Variants in ZNF85 observed in about 807,000 individuals in gnomAD.
The protein encoded by ZNF85 is zinc finger protein 85, also known as zinc finger protein 85 (HPF4, HTF1).
ZNF85 carries 50 observed loss-of-function variants against 53.9 expected under a neutral mutation model. The ratio of observed to expected loss-of-function variants is 0.93; its 90% CI spans 0.74 to 1.17. The LOEUF is 1.17. Among genes scored for constraint, ZNF85 ranks in the 50% most tolerant of loss-of-function variants. The pLI, the probability that ZNF85 is intolerant of heterozygous loss-of-function variation, is 0.00. For synonymous variants in ZNF85, 225 were observed against 226.1 expected, an observed-to-expected ratio of 1.00 and a Z score of 0.04; for missense variants, 747 against 688.5, an observed-to-expected ratio of 1.08 and a Z score of -0.95.
Position 20,950,568 on chromosome 19 carries a change from C to T in ZNF85, c.*266C>T. The stretch of plus-strand genomic sequence containing the variant: ...GGCAAAACTTAATTTATGCTCACAC[C>T]TTACTGCACAGAAAAGAATTTTTAG... On this transcript the variant is annotated 3_prime_UTR_variant, in exon 4 of 4. Transcript: ENST00000328178. The T allele has an allele frequency of 3.2e-6, 1 of 316,912 alleles. No homozygotes were observed. Among genetic ancestry groups the T allele is most frequent in the South Asian group, 1.2e-4 (1 of 8,546 alleles). 19.6% of individuals were successfully genotyped at this position (316,912 alleles called of 1,614,324 possible).
intron 1 of ZNF85, chr19:20,926,927 T>C (rs1404974162): frequency 6.6e-6 from 1 of 152,176 alleles, no homozygotes; most frequent in East Asian, 1.9e-4. Context: ...TTGCAAAGTT[T>C]AGGCAGACAA....
chr19:20,937,779 A>G (rs1973193967), intron 3 of ZNF85, among the ~76,000 whole-genome samples: 1 of 152,164 alleles, frequency 6.6e-6, no homozygotes. Context: ...CAAGGTCTGC[A>G]GGCCTGTCTG....
Position 20,949,534 on chromosome 19 carries a change from A to G in ZNF85, c.1020A>G (p.Lys340=), listed in dbSNP as rs562128777. 3.7e-6 allele frequency: 6 copies of G among 1,613,082 alleles called. No homozygotes were observed. The highest frequency in any genetic ancestry group is 4.5e-5 in the East Asian group (2 of 44,790). The change falls in exon 4 of 4, where the codon AAA becomes AAG. Residue 340 remains lysine, a synonymous_variant. Transcript: ENST00000328178. Reference sequence around the variant, plus strand: ...ATAAGATAATTCATACTGGAGAGAAACCCTACAAATGTAAAAAATGTGGAA... The same window carrying G: ...ATAAGATAATTCATACTGGAGAGAAGCCCTACAAATGTAAAAAATGTGGAA... ...TTHKIIHTGE[K]PYKCKKCGKA...
chr19:20,924,510 T>C (rs1383012397), intron 1 of ZNF85, among the ~76,000 whole-genome samples: 1 of 152,184 alleles, frequency 6.6e-6, no homozygotes, highest in Non-Finnish European at 1.5e-5. Context: ...TCTTTTCCCC[T>C]GCATTTTTCA....
intron 1 of ZNF85, chr19:20,928,559 T>C (rs1028036710): frequency 1.3e-5 from 2 of 152,352 alleles, no homozygotes; most frequent in Non-Finnish European, 2.9e-5. Context: ...ACACTAGACA[T>C]TGACGTGTCC....
At chr19:20,933,255 G>T (rs564689068) in intron 1 of ZNF85, among the ~76,000 whole-genome samples, 1 of 151,372 alleles carries the variant, frequency 6.6e-6, no homozygotes, top group East Asian at 1.9e-4. Context: ...CTTGGTTAAA[G>T]AGCTCTCTGA....
At position 20,944,688 on chromosome 19, in the gene ZNF85, A is replaced by G. The variant is rs76749309; in HGVS notation, c.230-4056A>G. Among the ~76,000 whole-genome samples, 1,273 of 151,568 alleles carry G rather than the reference A, an allele frequency of 8.4e-3. 19 individuals carry two copies. The highest frequency in any genetic ancestry group is 0.03 in the African/African-American group (1,233 of 41,434). On this transcript the variant is annotated intron_variant, in intron 3 of 3. Transcript: ENST00000328178. ...ATATTGTTCTACTTGATGGTGTCCA[A>G]TAAGTTTTACATTTCATGTTTTAAT...
chr19:20,924,964 G>A (rs1051665135), intron 1 of ZNF85, among the ~76,000 whole-genome samples: 14 of 152,150 alleles, frequency 9.2e-5, no homozygotes, highest in African/African-American at 3.4e-4. Context: ...AGTACTGTAT[G>A]GGGATAAACC....
chr19:20,942,094 C>G lies in ZNF85; in HGVS notation c.230-6650C>G, dbSNP rs530383779. On this transcript the variant is annotated intron_variant, in intron 3 of 3. Coordinates refer to ENST00000328178, the MANE Select transcript of ZNF85 (RefSeq NM_003429.5). The stretch of plus-strand genomic sequence containing the variant: ...TATACAGATTTCTGTGCTCTCTACT[C>G]TGTTCTTTGTTTATCTGTTTTTGTG... Among the ~76,000 whole-genome samples, 12 of 152,050 alleles carry G rather than the reference C, an allele frequency of 7.9e-5. No homozygotes were observed. The South Asian group carries it at 1.9e-3, about 24-fold the overall frequency.
chr19:20,945,684 C>G (rs35356210), intron 3 of ZNF85: 14,016 of 152,174 alleles, frequency 0.092, 782 homozygotes, highest in Non-Finnish European at 0.12. Flanking sequence ...GGGGTTTCAC[C>G]ATGTTGGACA....
intron 1 of ZNF85, among the ~76,000 whole-genome samples, 190 bp from the exon 2 acceptor site, chr19:20,933,834 G>C: frequency 6.6e-6 from 1 of 152,154 alleles, no homozygotes; most frequent in East Asian, 1.9e-4. Flanking sequence ...GAATATTTCT[G>C]TGTTAAAAAA....
chr19:20,944,082 T>C (rs73017144), intron 3 of ZNF85: 29,618 of 264,398 alleles, frequency 0.11, 1,707 homozygotes, highest in Middle Eastern at 0.13. Flanking sequence ...TCATATTCTA[T>C]AGAGGAAATT....
Position 20,949,870 on chromosome 19 carries a change from A to G in ZNF85, c.1356A>G (p.Lys452=). 7.4e-6 allele frequency: 12 copies of G among 1,612,730 alleles called. No homozygotes were observed. The highest frequency in any genetic ancestry group is 1.0e-5 in the Non-Finnish European group (12 of 1,179,376). The change falls in exon 4 of 4, where the codon AAA becomes AAG. Residue 452 remains lysine, a synonymous_variant. Transcript: ENST00000328178. ...ATAAGAAAATTCATACTGGAGAGAA[A>G]CCCTATGAATGTGAAAAATGTGGCA... The part of the protein sequence containing the change: ...TEHKKIHTGE[K]PYECEKCGKA...
rs554157883 is a variant in ZNF85, at chr19:20,950,465, A to G, written c.*163A>G. The G allele has an allele frequency of 1.2e-4, 64 of 524,954 alleles. 1 individual carries two copies. The South Asian group carries it at 2.8e-3, about 23-fold the overall frequency. The allele number at this position is 524,954 out of a possible 1,614,324, so 32.5% of individuals were successfully genotyped here. A position where few individuals can be genotyped will look rare whatever the true frequency, so the allele number is the denominator to read the frequency against. On this transcript the variant is annotated 3_prime_UTR_variant, in exon 4 of 4. Coordinates refer to ENST00000328178, the MANE Select transcript of ZNF85 (RefSeq NM_003429.5). ...GAGAAATTCTAAAAATGTGAAGACTATGGCAAAGTCTTTAAATGGTTGTCA... is the reference window on the plus strand; with the variant it reads ...GAGAAATTCTAAAAATGTGAAGACTGTGGCAAAGTCTTTAAATGGTTGTCA...
At position 20,950,245 on chromosome 19, in the gene ZNF85, G is replaced by A. The variant is rs1460144851; in HGVS notation, c.1731G>A (p.Trp577Ter). The A allele has an allele frequency of 1.9e-6, 3 of 1,592,634 alleles. No individual in the cohort carries two copies. Among genetic ancestry groups the A allele is most frequent in the South Asian group, 1.2e-5 (1 of 86,892 alleles). Residue 577 changes from tryptophan (W) to a stop codon, truncating the protein, a stop_gained, in exon 4 of 4, where the codon TGG becomes TGA. Transcript: ENST00000328178. LOFTEE classifies it high-confidence loss of function. ...KCEECDKAFK[W>*]SSVLTKHKII... ...AAGAATGTGACAAAGCTTTTAAATG[G>A]TCCTCAGTCCTTACTAAACATAAGA...
At chr19:20,931,620 C>CTT (rs1156835317) in intron 1 of ZNF85, among the ~76,000 whole-genome samples, 10,690 of 119,278 alleles carry the variant, frequency 0.09, 616 homozygotes, top group Middle Eastern at 0.11. Context: ...TTTTCTTTTT[C>CTT]TTTTTTTTTT....
chr19:20,939,268 T>C (rs1973236544), intron 3 of ZNF85, among the ~76,000 whole-genome samples: 1 of 152,198 alleles, frequency 6.6e-6, no homozygotes. Flanking sequence ...TTTTTTGTTT[T>C]GTTTTTTGAG....
chr19:20,943,110 C>T (rs915645656), intron 3 of ZNF85: 2 of 394,064 alleles, frequency 5.1e-6, no homozygotes, highest in Non-Finnish European at 8.9e-6. Flanking sequence ...TGTTATGTGT[C>T]CTAACAGAAT....
At chr19:20,939,496 G>A (rs11668779) in intron 3 of ZNF85, among the ~76,000 whole-genome samples, 18,985 of 151,972 alleles carry the variant, frequency 0.12, 1,222 homozygotes, top group South Asian at 0.15. Context: ...CTAGTGACCC[G>A]CCCACCTCAG....
Sources: allele counts gnomAD v4.1 joint callset (sites outside exome capture counted in the v4.1 genomes callset), GRCh38; gene constraint gnomAD v4.1.1; transcripts MANE v1.5; gene names NCBI Gene and HGNC (gene_info 2026-07-23, HGNC 2026-07-21).